FRAS1: variants seen among roughly 807,000 people sequenced by gnomAD.
FRAS1 encodes the protein extracellular matrix organizing protein FRAS1.
Under a neutral mutation model 435.2 loss-of-function variants are expected in FRAS1, and 290 were observed. The ratio of observed to expected loss-of-function variants is 0.67; its 90% CI spans 0.61 to 0.73. The LOEUF (loss-of-function observed/expected upper bound fraction) is 0.73, where lower values mean the gene tolerates loss of function less well. Ranked by LOEUF, FRAS1 falls within the 30% of genes least tolerant of loss-of-function variation. The probability of loss-of-function intolerance (pLI) is 0.00; values close to 1 mark genes in which losing one functional copy is unlikely to be tolerated. For missense variants in FRAS1, 4,860 were observed against 5,001.5 expected, an observed-to-expected ratio of 0.97 and a Z score of 0.85; for synonymous variants, 1,800 against 1,851.0, an observed-to-expected ratio of 0.97 and a Z score of 0.71.
intron 2 of FRAS1, among the ~76,000 whole-genome samples, chr4:78,236,162 A>G (rs1304227849): frequency 6.6e-6 from 1 of 152,122 alleles, no homozygotes; most frequent in African/African-American, 2.4e-5. Context: ...GAGAACAGGA[A>G]AGAGGAGGCT....
chr4:78,070,408 CCCT>C (rs2109857740), intron 2 of FRAS1: 2 of 152,252 alleles, frequency 1.3e-5, no homozygotes, highest in African/African-American at 4.8e-5. Context: ...TCAGCTCTCT[CCCT>C]TCTCTTTTCT....
chr4:78,130,674 A>C (rs1719641771), intron 2 of FRAS1, among the ~76,000 whole-genome samples: 1 of 152,248 alleles, frequency 6.6e-6, no homozygotes, highest in Non-Finnish European at 1.5e-5. Context: ...ATTTGGGGAC[A>C]GACTTGGCCC....
At chr4:78,355,339 G>A (rs192450375) in intron 20 of FRAS1, among the ~76,000 whole-genome samples, 1 of 152,200 alleles carries the variant, frequency 6.6e-6, no homozygotes, top group Admixed American at 6.5e-5. Flanking sequence ...ATCTGAAACA[G>A]CCAAAGCATA....
Position 78,407,658 on chromosome 4 carries a change from C to T in FRAS1, c.4130-5C>T. 6.2e-7 allele frequency: 1 copy of T among 1,610,154 alleles called. No individual in the cohort carries two copies. Among genetic ancestry groups the T allele is most frequent in the East Asian group, 2.2e-5 (1 of 44,716 alleles). On this transcript the variant is annotated splice_polypyrimidine_tract_variant and splice_region_variant and intron_variant, in intron 30 of 73. Coordinates refer to ENST00000512123, the MANE Select transcript of FRAS1 (RefSeq NM_025074.7). The stretch of plus-strand genomic sequence containing the variant: ...TCACTAACTATGTGGCCTGTGCCTT[C>T]CTAGGGGAGGTGGTCCTTCTAGTGA...
intron 14 of FRAS1, among the ~76,000 whole-genome samples, chr4:78,293,133 G>T (rs1727975991): frequency 6.6e-6 from 1 of 152,200 alleles, no homozygotes; most frequent in African/African-American, 2.4e-5. Flanking sequence ...AATGGGAGGA[G>T]AGTGCCTCTA....
chr4:78,319,552 G>T, intron 18 of FRAS1: 1 of 352,830 alleles, frequency 2.8e-6, no homozygotes, highest in South Asian at 2.3e-5. Flanking sequence ...TTGCTGTTGG[G>T]TGAATAGTTT....
chr4:78,478,864 C>T (rs1348766928), intron 55 of FRAS1, among the ~76,000 whole-genome samples: 1 of 152,214 alleles, frequency 6.6e-6, no homozygotes, highest in East Asian at 1.9e-4. Context: ...AGGCTGTCAC[C>T]AAGGGAAGTG....
intron 2 of FRAS1, among the ~76,000 whole-genome samples, chr4:78,229,186 A>G (rs941616329): frequency 6.6e-6 from 1 of 152,192 alleles, no homozygotes; most frequent in Non-Finnish European, 1.5e-5. Context: ...AACCTCTCTG[A>G]ACTTTGGTTT....
chr4:78,194,087 T>G (rs937982711), intron 2 of FRAS1, among the ~76,000 whole-genome samples: 1 of 152,222 alleles, frequency 6.6e-6, no homozygotes, highest in African/African-American at 2.4e-5. Flanking sequence ...TTTAAGAATG[T>G]TGAATATTGG....
intron 7 of FRAS1, 133 bp from the exon 8 acceptor site, chr4:78,266,701 C>T: frequency 1.5e-6 from 1 of 681,444 alleles, no homozygotes; most frequent in Non-Finnish European, 2.6e-6. Context: ...TAAATGTTTT[C>T]ATTTCTCAAG....
intron 2 of FRAS1, among the ~76,000 whole-genome samples, chr4:78,205,375 G>A (rs1723214384): frequency 6.6e-6 from 1 of 151,904 alleles, no homozygotes; most frequent in Non-Finnish European, 1.5e-5. Context: ...CTAATTTTTT[G>A]TAGAGGGAGG....
chr4:78,209,513 T>C (rs1723414913), intron 2 of FRAS1, among the ~76,000 whole-genome samples: 1 of 152,186 alleles, frequency 6.6e-6, no homozygotes, highest in African/African-American at 2.4e-5. Context: ...TTCTCCTTTA[T>C]GTCTGTTCAG....
intron 2 of FRAS1, among the ~76,000 whole-genome samples, chr4:78,120,595 A>G (rs888580432): frequency 2.3e-4 from 35 of 152,176 alleles, no homozygotes; most frequent in Non-Finnish European, 4.3e-4. Flanking sequence ...GCCTGTGTGC[A>G]AAACCACAGC....
At chr4:78,074,740 G>A (rs762203645) in intron 2 of FRAS1, among the ~76,000 whole-genome samples, 24 of 152,156 alleles carry the variant, frequency 1.6e-4, no homozygotes, top group Non-Finnish European at 2.8e-4. Flanking sequence ...AATATTGTTG[G>A]GTGTTTGAAA....
intron 30 of FRAS1, among the ~76,000 whole-genome samples, chr4:78,402,953 A>G (rs769293844): frequency 5.3e-5 from 8 of 152,206 alleles, no homozygotes; most frequent in Non-Finnish European, 1.0e-4. Context: ...CAGGAGGTAC[A>G]TAATCTCACT....
rs530335743 is a variant in FRAS1, at chr4:78,079,665, G to A, written c.108+13649G>A. ...CTGGGTTGGCAGCCTCCTTGTGATG[G>A]CAGCATTGATTTATACAGTTCAAAT... is the stretch of plus-strand genomic sequence containing the variant. On this transcript the variant is annotated intron_variant, in intron 2 of 73. Coordinates refer to ENST00000512123, the MANE Select transcript of FRAS1 (RefSeq NM_025074.7). 1.6e-4 allele frequency among the ~76,000 whole-genome samples: 25 copies of A among 152,184 alleles called. No individual in the cohort carries two copies. In the South Asian group the frequency reaches 2.7e-3, roughly 16 times the overall value.
rs568306922 is a variant in FRAS1, at chr4:78,068,799, C to T, written c.108+2783C>T. ...ATTCTGCATTCGGGTTTATTTGTAA[C>T]CACTTTAAGTTCTCTTTCCATTTTA... On this transcript the variant is annotated intron_variant, in intron 2 of 73. Coordinates refer to ENST00000512123, the MANE Select transcript of FRAS1 (RefSeq NM_025074.7). 184 of 348,586 alleles carry T rather than the reference C, an allele frequency of 5.3e-4. 1 individual carries two copies. The Middle Eastern group carries it at 7.1e-3, about 13-fold the overall frequency. 21.6% of individuals were successfully genotyped at this position (348,586 alleles called of 1,614,324 possible).
chr4:78,488,025 T>A (rs750395767), intron 58 of FRAS1, among the ~76,000 whole-genome samples: 1 of 152,078 alleles, frequency 6.6e-6, no homozygotes, highest in Non-Finnish European at 1.5e-5. Flanking sequence ...CCCAGCTACT[T>A]GGGAGGCTGA....
At chr4:78,355,553 C>T (rs1160438644) in intron 20 of FRAS1, among the ~76,000 whole-genome samples, 2 of 152,146 alleles carry the variant, frequency 1.3e-5, no homozygotes, top group Non-Finnish European at 2.9e-5. Context: ...TTGAGGTCAG[C>T]CTGCCTTTTT....
Sources: gnomAD v4.1 joint callset for allele counts (sites outside exome capture counted in the v4.1 genomes callset) on GRCh38, gnomAD v4.1.1 for gene constraint, MANE v1.5 for transcripts, NCBI Gene and HGNC (gene_info 2026-07-23, HGNC 2026-07-21) for gene names.